The following PDE1C variants were observed in gnomAD, a reference collection of about 807,000 sequenced individuals.
PDE1C encodes the protein phosphodiesterase 1C.
In PDE1C, 62 loss-of-function variants were observed where a neutral mutation model predicts 93.1. The observed-to-expected ratio is 0.67, with a 90% confidence interval of 0.54 to 0.82. The LOEUF (loss-of-function observed/expected upper bound fraction) is 0.82, where lower values mean the gene tolerates loss of function less well. Ranked by LOEUF, PDE1C falls within the 40% of genes least tolerant of loss-of-function variation. The probability of loss-of-function intolerance (pLI) is 0.00; values close to 1 mark genes in which losing one functional copy is unlikely to be tolerated. For synonymous variants in PDE1C, 325 were observed against 310.1 expected, an observed-to-expected ratio of 1.05 and a Z score of -0.50; for missense variants, 742 against 884.6, an observed-to-expected ratio of 0.84 and a Z score of 2.04.
chr7:31,897,277 T>C (rs1025977664), intron 2 of PDE1C, among the ~76,000 whole-genome samples: 1 of 152,192 alleles, frequency 6.6e-6, no homozygotes, highest in African/African-American at 2.4e-5. Context: ...GAAGTGATGA[T>C]TGTAAATTTA....
chr7:31,683,616 C>T, the PDE1C span, among the ~76,000 whole-genome samples: 100 of 152,218 alleles, frequency 6.6e-4, no homozygotes, highest in African/African-American at 2.3e-3. Flanking sequence ...CAACGAGATC[C>T]AGCAAGATCT....
At chr7:32,062,226 C>T (rs1006607111) in intron 1 of PDE1C, among the ~76,000 whole-genome samples, 1 of 152,186 alleles carries the variant, frequency 6.6e-6, no homozygotes, top group South Asian at 2.1e-4. Context: ...GCGAGTTGAC[C>T]TTAATTCCAC....
chr7:32,237,497 G>C (rs1015469496), intron 1 of PDE1C, among the ~76,000 whole-genome samples: 17 of 151,760 alleles, frequency 1.1e-4, no homozygotes, highest in African/African-American at 4.1e-4. Flanking sequence ...TCTTACTCTG[G>C]TGGTACACAT....
intron 2 of PDE1C, among the ~76,000 whole-genome samples, chr7:32,192,932 C>G (rs1231088935): frequency 6.6e-6 from 1 of 152,046 alleles, no homozygotes; most frequent in Non-Finnish European, 1.5e-5. Context: ...CATATTTCAC[C>G]TTGTTATATG....
chr7:32,401,057 T>G lies in PDE1C; in HGVS notation c.310+26765A>C, dbSNP rs1424471055. Among the ~76,000 whole-genome samples the G allele has an allele frequency of 1.3e-5, 2 of 152,254 alleles. 1 individual carries two copies. The highest frequency in any genetic ancestry group is 2.9e-5 in the Non-Finnish European group (2 of 68,052). ...TTTCACACTTTGTTAAAGGTCATGG[T>G]CATAACCTTCTTTGCACTGTTATCT... On this transcript the variant is annotated intron_variant, in intron 1 of 1. Coordinates refer to the PDE1C transcript ENST00000672256.
chr7:32,041,182 ACTATTT>A (rs1308605746), intron 2 of PDE1C, among the ~76,000 whole-genome samples: 1 of 152,160 alleles, frequency 6.6e-6, no homozygotes, highest in Non-Finnish European at 1.5e-5. Context: ...GGAAGCAAAT[ACTATTT>A]CCATTTACCA....
intron 16 of PDE1C, chr7:31,783,402 G>A (rs1295602709): frequency 6.6e-6 from 1 of 151,254 alleles, no homozygotes; most frequent in Non-Finnish European, 1.5e-5. Context: ...GACGTTTAAG[G>A]GAATACAAAA....
Position 31,753,421 on chromosome 7 carries a change from T to C in PDE1C, c.2093A>G (p.Lys698Arg), listed in dbSNP as rs750111875. Reference sequence around the variant, plus strand: ...CCAGTTATGTGAGATGTTCTGAATCTTTTTCATTTTGATCCTCTGATCCAG... The same window carrying C: ...CCAGTTATGTGAGATGTTCTGAATCCTTTTCATTTTGATCCTCTGATCCAG... ...KMLDQRIKMKKIQNISHNWNR... is the reference protein window; with the variant it reads ...KMLDQRIKMKRIQNISHNWNR... The change falls in exon 18 of 18, where the codon AAG (lysine) becomes AGG (arginine). Residue 698 changes from lysine to arginine, a missense_variant. By Grantham distance (26) the Lys-to-Arg change is conservative. This residue lies in a region of PDE1C where 454 missense variants were observed against 459.4 expected (regional missense o/e 0.99). Transcript: ENST00000396191. 30 of 1,612,338 alleles carry C rather than the reference T, an allele frequency of 1.9e-5. 1 individual carries two copies. In the South Asian group the frequency reaches 3.2e-4, roughly 17 times the overall value.
intron 6 of PDE1C, among the ~76,000 whole-genome samples, chr7:31,871,420 A>G (rs1440575808): frequency 1.3e-5 from 2 of 152,122 alleles, no homozygotes; most frequent in African/African-American, 4.8e-5. Flanking sequence ...AACAGAGTAA[A>G]GAGACAACCT....
intron 2 of PDE1C, among the ~76,000 whole-genome samples, chr7:32,206,145 C>CAG (rs1240600603): frequency 6.6e-6 from 1 of 152,100 alleles, no homozygotes; most frequent in Non-Finnish European, 1.5e-5. Flanking sequence ...GCTTGACCCC[C>CAG]AGAGCTTACA....
At chr7:32,212,004 C>A (rs1284936225) in intron 1 of PDE1C, among the ~76,000 whole-genome samples, 5 of 101,184 alleles carry the variant, frequency 4.9e-5, no homozygotes, top group African/African-American at 8.2e-5. Flanking sequence ...CCAGCCTGGG[C>A]AACAGAACGA....
intron 2 of PDE1C, among the ~76,000 whole-genome samples, chr7:31,922,475 A>G (rs1363524319): frequency 6.6e-6 from 1 of 152,168 alleles, no homozygotes; most frequent in African/African-American, 2.4e-5. Context: ...CTGCATGCCT[A>G]TTTTTCTGAA....
chr7:32,345,463 C>T (rs980643394), intron 1 of PDE1C, among the ~76,000 whole-genome samples: 9 of 152,050 alleles, frequency 5.9e-5, no homozygotes, highest in Admixed American at 1.3e-4. Context: ...TCAGATGACA[C>T]CAAAAGCATG....
At chr7:32,170,798 C>T (rs1428247970) in intron 2 of PDE1C, among the ~76,000 whole-genome samples, 1 of 151,116 alleles carries the variant, frequency 6.6e-6, no homozygotes, top group Admixed American at 6.6e-5. Context: ...AGGAGAAGTC[C>T]TCCTTCCAGG....
intron 1 of PDE1C, among the ~76,000 whole-genome samples, chr7:32,058,479 C>G (rs534859593): frequency 1.3e-5 from 2 of 152,126 alleles, no homozygotes; most frequent in African/African-American, 4.8e-5. Flanking sequence ...AGGATCTGAA[C>G]GATCATCTGA....
intron 2 of PDE1C, among the ~76,000 whole-genome samples, chr7:31,938,008 G>C (rs1203459820): frequency 1.3e-5 from 2 of 151,976 alleles, no homozygotes; most frequent in African/African-American, 2.4e-5. Flanking sequence ...TATTTATAGA[G>C]GTATGTTATA....
intron 2 of PDE1C, among the ~76,000 whole-genome samples, chr7:31,888,873 A>G (rs1411506848): frequency 6.6e-6 from 1 of 152,186 alleles, no homozygotes; most frequent in Non-Finnish European, 1.5e-5. Flanking sequence ...ATGCCACTTG[A>G]TAAACAGCAA....
At chr7:32,156,524 G>A (rs1377706264) in intron 3 of PDE1C, among the ~76,000 whole-genome samples, 5 of 152,064 alleles carry the variant, frequency 3.3e-5, no homozygotes, top group Non-Finnish European at 7.3e-5. Context: ...CTCCCTCTAG[G>A]GTTGATGGAC....
chr7:32,378,684 T>C (rs766112664), intron 1 of PDE1C, among the ~76,000 whole-genome samples: 1 of 152,178 alleles, frequency 6.6e-6, no homozygotes, highest in African/African-American at 2.4e-5. Context: ...ACCCACCAAC[T>C]AGACCCACCC....
Sources: gnomAD v4.1 joint callset for allele counts (sites outside exome capture counted in the v4.1 genomes callset) on GRCh38, gnomAD v4.1.1 for gene constraint, gnomAD v4.1.1 regional missense constraint, MANE v1.5 for transcripts, NCBI Gene and HGNC (gene_info 2026-07-23, HGNC 2026-07-21) for gene names.